Variants in CNTNAP4 observed in about 807,000 individuals in gnomAD.
CNTNAP4 encodes the protein contactin-associated protein-like 4.
CNTNAP4 carries 98 observed loss-of-function variants against 148.4 expected under a neutral mutation model. The observed-to-expected ratio is 0.66, with a 90% CI of 0.56 to 0.78. The LOEUF is 0.78. Ranked by LOEUF, CNTNAP4 falls within the 30% of genes least tolerant of loss-of-function variation. The pLI, the probability that CNTNAP4 is intolerant of heterozygous loss-of-function variation, is 0.00. For synonymous variants in CNTNAP4, 730 were observed against 565.1 expected (o/e 1.29, Z -4.14); for missense variants, 1,935 against 1,565.6 (o/e 1.24, Z -3.98).
intron 2 of CNTNAP4, among the ~76,000 whole-genome samples, chr16:76,322,836 TA>T (rs965559740): frequency 1.4e-5 from 2 of 144,428 alleles, no homozygotes; most frequent in Admixed American, 6.9e-5. Context: ...TTTTATTTTT[TA>T]TTTTTTGTTT....
chr16:76,353,349 T>G (rs1219919771), intron 2 of CNTNAP4, among the ~76,000 whole-genome samples: 3 of 152,206 alleles, frequency 2.0e-5, no homozygotes, highest in Non-Finnish European at 4.4e-5. Flanking sequence ...ATATAATGTT[T>G]AAAAAGAATT....
At chr16:76,513,888 T>C (rs542149990) in intron 15 of CNTNAP4, among the ~76,000 whole-genome samples, 7 of 152,298 alleles carry the variant, frequency 4.6e-5, no homozygotes, top group Non-Finnish European at 7.4e-5. Flanking sequence ...AAAATTCTGA[T>C]TGGGCACTTA....
intron 3 of CNTNAP4, among the ~76,000 whole-genome samples, chr16:76,389,754 C>A (rs2016810049): frequency 6.6e-6 from 1 of 152,134 alleles, no homozygotes; most frequent in African/African-American, 2.4e-5. Context: ...GCGTGAGCCA[C>A]CACATCCAGC....
rs77786321 is a variant in CNTNAP4 at position 76,374,734 on chromosome 16, C to T, written c.390+19223C>T. Among the ~76,000 whole-genome samples the T allele has an allele frequency of 3.4e-3, 483 of 143,844 alleles. 5 individuals are homozygous for T. The highest frequency in any genetic ancestry group is 0.012 in the African/African-American group (475 of 38,992). 94.4% of individuals were successfully genotyped at this position (143,844 alleles called of 152,430 possible). On this transcript the variant is annotated intron_variant, in intron 3 of 23. Transcript: ENST00000611870. ...TAAGTTGAATAAAGTATATACTTGA[C>T]TATGACACTATTATTATTATTATTA...
At chr16:76,377,991 AC>A (rs2015591984) in intron 3 of CNTNAP4, among the ~76,000 whole-genome samples, 1 of 152,214 alleles carries the variant, frequency 6.6e-6, no homozygotes, top group South Asian at 2.1e-4. Context: ...TTCAGGAGTT[AC>A]ACACCTCTCA....
chr16:76,370,132 C>G (rs1468569627), intron 3 of CNTNAP4, among the ~76,000 whole-genome samples: 1 of 152,122 alleles, frequency 6.6e-6, no homozygotes, highest in African/African-American at 2.4e-5. Context: ...ACGATAATAT[C>G]TGGTAACATT....
At chr16:76,397,969 T>TGG (rs1376898712) in intron 3 of CNTNAP4, among the ~76,000 whole-genome samples, 1 of 53,062 alleles carries the variant, frequency 1.9e-5, no homozygotes, top group African/African-American at 8.6e-5. Context: ...TATATATATA[T>TGG]ATATATATAT....
chr16:76,498,843 G>C lies in CNTNAP4; in HGVS notation c.2365+149G>C, dbSNP rs539690890. The C allele has an allele frequency of 2.0e-4, 142 of 701,674 alleles. 1 individual carries two copies. The African/African-American group carries it at 2.4e-3, about 12-fold the overall frequency. The allele number at this position is 701,674 out of a possible 1,614,324, so 43.5% of individuals were successfully genotyped here. On this transcript the variant is annotated intron_variant, in intron 15 of 23. Coordinates refer to ENST00000611870, the MANE Select transcript of CNTNAP4 (RefSeq NM_033401.5). ...TTGTTTGTTTCCACATACATGAGGTGCCTTTAGTAGTCAAATTCATAGACA... is the reference window on the plus strand; with the variant it reads ...TTGTTTGTTTCCACATACATGAGGTCCCTTTAGTAGTCAAATTCATAGACA...
chr16:76,533,465 A>G (rs1442693738), intron 17 of CNTNAP4, among the ~76,000 whole-genome samples: 1 of 152,172 alleles, frequency 6.6e-6, no homozygotes, highest in Non-Finnish European at 1.5e-5. Context: ...GTTTCAAATA[A>G]CTAGGAAGAT....
rs2085339770 is a variant in CNTNAP4, at chr16:76,559,595, T to A, written c.*912T>A. On this transcript the variant is annotated 3_prime_UTR_variant, in exon 24 of 24. Transcript: ENST00000611870. ...CTGTAATACCTCAAATGAAATATACTTATGAGACTATTTTGCCCAAACCTA... is the reference window on the plus strand; with the variant it reads ...CTGTAATACCTCAAATGAAATATACATATGAGACTATTTTGCCCAAACCTA... 6.6e-6 allele frequency among the ~76,000 whole-genome samples: 1 copy of A among 152,182 alleles called. No individual in the cohort carries two copies. Among genetic ancestry groups the A allele is most frequent in the African/African-American group, 2.4e-5 (1 of 41,446 alleles).
In CNTNAP4 at chr16:76,522,289, G is replaced by A. The variant is rs756501549; in HGVS notation, c.2755+32G>A. ...TCTCTTTTTAAGCAATCATTTTATT[G>A]TATGATATGTGTTCAGAAATGGCCC... On this transcript the variant is annotated intron_variant, in intron 17 of 23. Transcript: ENST00000611870. 3.2e-6 allele frequency: 5 copies of A among 1,572,996 alleles called. No individual in the cohort carries two copies. The African/African-American group carries it at 4.1e-5, about 13-fold the overall frequency.
chr16:76,440,057 G>A (rs1037499679), intron 4 of CNTNAP4, among the ~76,000 whole-genome samples: 2 of 152,142 alleles, frequency 1.3e-5, no homozygotes, highest in Middle Eastern at 3.4e-3. Context: ...AGTAATTCAT[G>A]GGCAATAACT....
At chr16:76,553,771 G>A (rs1168432071) in intron 22 of CNTNAP4, 65 bp from the exon 23 acceptor site, 2 of 1,020,896 alleles carry the variant, frequency 2.0e-6, no homozygotes, top group Non-Finnish European at 3.0e-6. Flanking sequence ...CATTTATGAT[G>A]TTTTCAAAAT....
intron 1 of CNTNAP4, among the ~76,000 whole-genome samples, chr16:76,282,766 G>A (rs1958734022): frequency 6.6e-6 from 1 of 151,906 alleles, no homozygotes; most frequent in African/African-American, 2.4e-5. Flanking sequence ...TCCAGGAACT[G>A]ATCTTTGGCC....
chr16:76,556,389 T>C (rs1386425781), intron 23 of CNTNAP4, among the ~76,000 whole-genome samples: 1 of 152,180 alleles, frequency 6.6e-6, no homozygotes, highest in Non-Finnish European at 1.5e-5. Context: ...ATAACACGTG[T>C]GATCAAAGTT....
chr16:76,292,899 C>G (rs1002922960), intron 1 of CNTNAP4, among the ~76,000 whole-genome samples: 7 of 152,120 alleles, frequency 4.6e-5, no homozygotes, highest in African/African-American at 1.4e-4. Flanking sequence ...AGAACCAGTG[C>G]TACTTAAGCC....
chr16:76,390,982 A>C (rs147659811), intron 3 of CNTNAP4, among the ~76,000 whole-genome samples: 1 of 152,176 alleles, frequency 6.6e-6, no homozygotes, highest in African/African-American at 2.4e-5. Context: ...GTATCCATTC[A>C]CTCAAGCACT....
intron 7 of CNTNAP4, 95 bp downstream of exon 7, chr16:76,449,953 T>G (rs2080399113): frequency 9.8e-7 from 1 of 1,022,926 alleles, no homozygotes; most frequent in South Asian, 1.7e-5. Flanking sequence ...GACATGGGGT[T>G]TTAGAGGTAC....
At chr16:76,298,352 C>T (rs1959533277) in intron 1 of CNTNAP4, among the ~76,000 whole-genome samples, 1 of 151,970 alleles carries the variant, frequency 6.6e-6, no homozygotes, top group Admixed American at 6.6e-5. Context: ...CCTGGAGCAG[C>T]CATATGAAAG....
Sources: gnomAD v4.1 joint callset for allele counts (sites outside exome capture counted in the v4.1 genomes callset) on GRCh38, gnomAD v4.1.1 for gene constraint, MANE v1.5 for transcripts, NCBI Gene and HGNC (gene_info 2026-07-23, HGNC 2026-07-21) for gene names.